PTK2: variants seen among roughly 807,000 people sequenced by gnomAD.
The protein encoded by PTK2 is protein tyrosine kinase 2, also known as focal adhesion kinase 1.
A neutral mutation model predicts 150.1 loss-of-function variants in PTK2; 45 were observed. The ratio of observed to expected loss-of-function variants is 0.30; its 90% confidence interval spans 0.24 to 0.38. The LOEUF (loss-of-function observed/expected upper bound fraction) is 0.38, where lower values mean the gene tolerates loss of function less well. Among genes scored for constraint, PTK2 ranks in the 10% least tolerant of loss-of-function variants. PTK2 has a pLI of 1.00. For missense variants in PTK2, 919 were observed against 1,307.3 expected (o/e 0.70, Z 4.58); for synonymous variants, 432 against 449.2 (o/e 0.96, Z 0.48).
chr8:141,000,087 TCACACACACACA>T (rs71310820), intron 1 of PTK2, among the ~76,000 whole-genome samples: 5 of 81,650 alleles, frequency 6.1e-5, no homozygotes, highest in South Asian at 8.6e-4. Context: ...TGAAACCAAT[TCACACACACACA>T]CACACACACA....
At chr8:140,800,575 G>A (rs1187137215) in exon 12 of PTK2, 3 of 1,609,534 alleles carry the variant, frequency 1.9e-6, no homozygotes, top group South Asian at 1.1e-5. Context: ...CACTGTCAGA[G>A]GCTAACGGAG....
intron 30 of PTK2, among the ~76,000 whole-genome samples, chr8:140,666,132 G>GT (rs2091236265): frequency 6.6e-6 from 1 of 152,226 alleles, no homozygotes; most frequent in Non-Finnish European, 1.5e-5. Flanking sequence ...GAGGTCAGGA[G>GT]TTTGAGACCA....
At chr8:140,845,650 G>A (rs1453307082) in intron 7 of PTK2, among the ~76,000 whole-genome samples, 2 of 152,020 alleles carry the variant, frequency 1.3e-5, no homozygotes, top group Non-Finnish European at 2.9e-5. Flanking sequence ...TGCTTCCTGG[G>A]GGTTAAAATT....
intron 3 of PTK2, among the ~76,000 whole-genome samples, chr8:140,889,218 G>C (rs571018272): frequency 1.3e-5 from 2 of 152,016 alleles, no homozygotes; most frequent in South Asian, 4.2e-4. Context: ...CAAGACTTTA[G>C]CCTTAAATCT....
At chr8:140,679,490 G>C (rs1246650500) in intron 27 of PTK2, among the ~76,000 whole-genome samples, 6 of 152,162 alleles carry the variant, frequency 3.9e-5, no homozygotes, top group Admixed American at 3.9e-4. Flanking sequence ...TACAGAAAAG[G>C]AGAGACTCTG....
chr8:140,908,180 T>C (rs899606631), intron 2 of PTK2, among the ~76,000 whole-genome samples: 2 of 152,200 alleles, frequency 1.3e-5, no homozygotes, highest in South Asian at 4.1e-4. Flanking sequence ...TGAGAAGGTT[T>C]TGGTGGTCTG....
At chr8:140,890,517 G>T in intron 3 of PTK2, 26 bp downstream of exon 3, 1 of 1,565,248 alleles carries the variant, frequency 6.4e-7, no homozygotes, top group Non-Finnish European at 8.8e-7. Context: ...AAACATTAAA[G>T]ATGTCTCATG....
intron 17 of PTK2, chr8:140,751,846 A>C (rs1298091866): frequency 2.0e-6 from 1 of 505,536 alleles, no homozygotes. Context: ...ATAGAGCCCT[A>C]TTCCTTCACT....
chr8:140,865,701 C>T (rs2100138892), intron 4 of PTK2, among the ~76,000 whole-genome samples: 1 of 152,178 alleles, frequency 6.6e-6, no homozygotes, highest in African/African-American at 2.4e-5. Flanking sequence ...AGATATTCTA[C>T]ATTGGGTTAT....
At chr8:140,842,069 G>A (rs1183771309) in intron 7 of PTK2, among the ~76,000 whole-genome samples, 2 of 152,006 alleles carry the variant, frequency 1.3e-5, no homozygotes, top group African/African-American at 2.4e-5. Context: ...AAAGCAAGAT[G>A]CATATAGGAT....
chr8:140,910,656 A>G (rs4961301), intron 2 of PTK2, among the ~76,000 whole-genome samples: 147,195 of 152,252 alleles, frequency 0.97, 71,329 homozygotes, highest in East Asian at 1. Context: ...CAAAGCTCTA[A>G]TTTCCCATTT....
chr8:140,912,046 A>AAC (rs2100163377), intron 2 of PTK2, among the ~76,000 whole-genome samples: 1 of 152,108 alleles, frequency 6.6e-6, no homozygotes, highest in African/African-American at 2.4e-5. Flanking sequence ...CAGCCTAGGC[A>AAC]ACAAAACGAG....
At chr8:140,947,903 A>T (rs1030718631) in intron 1 of PTK2, among the ~76,000 whole-genome samples, 11 of 152,166 alleles carry the variant, frequency 7.2e-5, no homozygotes, top group Non-Finnish European at 1.6e-4. Context: ...ATAATTTTTT[A>T]AAAATCCCAA....
At chr8:140,699,647 G>A (rs1270359083) in intron 26 of PTK2, among the ~76,000 whole-genome samples, 6 of 151,900 alleles carry the variant, frequency 3.9e-5, no homozygotes, top group Admixed American at 6.5e-5. Context: ...TAGTTTATAC[G>A]TAAGCTGACA....
rs147860577 is a variant in PTK2 at position 140,803,799 on chromosome 8, C to T, written c.868-149G>A. On this transcript the variant is annotated intron_variant, in intron 10 of 31. Coordinates refer to ENST00000522684, the Ensembl canonical transcript of PTK2. Reference sequence around the variant, plus strand: ...AAAAAAACAGATTCTCCATGCTGCCCCAGGGGAGCAGCCATGAGACTGTCT... The same window carrying T: ...AAAAAAACAGATTCTCCATGCTGCCTCAGGGGAGCAGCCATGAGACTGTCT... 1.4e-3 allele frequency: 972 copies of T among 698,748 alleles called. 2 individuals are homozygous for T. The highest frequency in any genetic ancestry group is 3.8e-3 in the Middle Eastern group (12 of 3,124). 43.3% of individuals were successfully genotyped at this position (698,748 alleles called of 1,614,324 possible).
chr8:140,903,004 T>A (rs1041141713), intron 2 of PTK2, among the ~76,000 whole-genome samples: 2 of 147,674 alleles, frequency 1.4e-5, no homozygotes, highest in Non-Finnish European at 3.0e-5. Flanking sequence ...ATTTGTCAAT[T>A]TGGCTTTTGT....
intron 20 of PTK2, among the ~76,000 whole-genome samples, 169 bp from the exon 24 acceptor site, chr8:140,739,276 C>T (rs940763479): frequency 2.0e-5 from 3 of 152,112 alleles, no homozygotes; most frequent in Non-Finnish European, 4.4e-5. Context: ...TTCGAGGTCA[C>T]TTAGGGGTGA....
intron 10 of PTK2, among the ~76,000 whole-genome samples, chr8:140,814,975 C>T (rs558293024): frequency 2.0e-5 from 3 of 152,140 alleles, no homozygotes; most frequent in South Asian, 2.1e-4. Flanking sequence ...AGGGTTTCAC[C>T]GTGTTAGCCA....
At chr8:140,661,624 A>G (rs564626272) in intron 31 of PTK2, among the ~76,000 whole-genome samples, 1 of 152,320 alleles carries the variant, frequency 6.6e-6, no homozygotes, top group East Asian at 1.9e-4. Flanking sequence ...GTATTTTTTA[A>G]TAAAACAAGT....
Sources: gnomAD v4.1 joint callset for allele counts (sites outside exome capture counted in the v4.1 genomes callset) on GRCh38, gnomAD v4.1.1 for gene constraint, MANE v1.5 for transcripts, NCBI Gene and HGNC (gene_info 2026-07-23, HGNC 2026-07-21) for gene names.